SOBP: variants seen among roughly 807,000 people sequenced by gnomAD.
The protein encoded by SOBP is sine oculis binding protein homolog, also known as sine oculis-binding protein homolog.
In SOBP, 4 loss-of-function variants were observed where a neutral mutation model predicts 53.6. That is an observed-to-expected ratio of 0.07 (90% CI 0.04 to 0.17). SOBP has a LOEUF of 0.17. SOBP is among the 10% of genes least tolerant of loss of function. SOBP has a pLI of 1.00. For synonymous variants in SOBP, 584 were observed against 522.6 expected, an observed-to-expected ratio of 1.12 and a Z score of -1.60; for missense variants, 1,088 against 1,204.7, an observed-to-expected ratio of 0.90 and a Z score of 1.43.
At chr6:107,503,937 C>T (rs1460065336) in intron 2 of SOBP, 142 bp downstream of exon 2, 2 of 1,025,176 alleles carry the variant, frequency 2.0e-6, no homozygotes, top group East Asian at 5.0e-5. Context: ...CCCAATAGTG[C>T]TTTCCCATAA....
At chr6:107,520,908 C>G (rs912976049) in intron 3 of SOBP, among the ~76,000 whole-genome samples, 1 of 151,964 alleles carries the variant, frequency 6.6e-6, no homozygotes, top group Non-Finnish European at 1.5e-5. Context: ...AAGAGGTGTC[C>G]CATACACAGA....
chr6:107,640,211 T>C (rs893152752), intron 6 of SOBP, among the ~76,000 whole-genome samples: 5 of 152,216 alleles, frequency 3.3e-5, no homozygotes, highest in African/African-American at 1.2e-4. Flanking sequence ...GAGAGGAGGC[T>C]GTCTGGGAGG....
chr6:107,577,369 C>A (rs1401681302), intron 4 of SOBP, among the ~76,000 whole-genome samples: 1 of 152,222 alleles, frequency 6.6e-6, no homozygotes, highest in South Asian at 2.1e-4. Context: ...GGCTGGCCAA[C>A]TGGCTTTTGG....
At chr6:107,543,549 A>C (rs1784212168) in intron 4 of SOBP, among the ~76,000 whole-genome samples, 1 of 152,168 alleles carries the variant, frequency 6.6e-6, no homozygotes, top group South Asian at 2.1e-4. Flanking sequence ...TCTGAAGCCC[A>C]TGGGCAGCAT....
At chr6:107,610,464 G>C (rs1453212429) in intron 5 of SOBP, among the ~76,000 whole-genome samples, 1 of 152,176 alleles carries the variant, frequency 6.6e-6, no homozygotes, top group Non-Finnish European at 1.5e-5. Flanking sequence ...AGCAGCCCAG[G>C]GATCCACATG....
rs145198007 is a variant in SOBP at position 107,598,313 on chromosome 6, G to C, written c.669+11138G>C. On this transcript the variant is annotated intron_variant, in intron 5 of 6. Transcript: ENST00000317357. ...GTATGTGTGCAATAAGGAAGTAAAG[G>C]CCGTTTAATAGGGAAGAAATGATGG... 1.9e-4 allele frequency among the ~76,000 whole-genome samples: 29 copies of C among 152,326 alleles called. 1 individual carries two copies. The highest frequency in any genetic ancestry group is 6.7e-4 in the African/African-American group (28 of 41,580).
intron 4 of SOBP, among the ~76,000 whole-genome samples, chr6:107,581,396 C>T (rs959211270): frequency 6.6e-6 from 1 of 152,094 alleles, no homozygotes; most frequent in South Asian, 2.1e-4. Context: ...AATTCAGACC[C>T]GAGGAGTTGG....
At chr6:107,513,724 CAA>C (rs57209957) in intron 3 of SOBP, among the ~76,000 whole-genome samples, 63 of 96,296 alleles carry the variant, frequency 6.5e-4, no homozygotes, top group African/African-American at 1.3e-3. Flanking sequence ...ATGCAATTCT[CAA>C]AAAAAAAAAA....
At chr6:107,640,335 G>C (rs892256404) in intron 6 of SOBP, among the ~76,000 whole-genome samples, 2 of 152,236 alleles carry the variant, frequency 1.3e-5, no homozygotes, top group African/African-American at 4.8e-5. Context: ...AATGGGATGT[G>C]CTCGGATCCT....
intron 5 of SOBP, among the ~76,000 whole-genome samples, chr6:107,610,279 C>G (rs1786541800): frequency 6.6e-6 from 1 of 152,196 alleles, no homozygotes; most frequent in South Asian, 2.1e-4. Context: ...CCCAGGGCTG[C>G]AGAACTGGCT....
At chr6:107,603,615 A>G (rs930572880) in intron 5 of SOBP, among the ~76,000 whole-genome samples, 62 of 152,334 alleles carry the variant, frequency 4.1e-4, no homozygotes, top group Middle Eastern at 3.4e-3. Flanking sequence ...AGTACGATGT[A>G]ATGGAAGCCC....
intron 4 of SOBP, among the ~76,000 whole-genome samples, chr6:107,538,135 C>G (rs1189837611): frequency 6.6e-6 from 1 of 152,174 alleles, no homozygotes; most frequent in Admixed American, 6.5e-5. Flanking sequence ...GAACCCATCT[C>G]TAATTAGCAT....
chr6:107,642,084 GAGAA>G (rs745413820), intron 6 of SOBP, among the ~76,000 whole-genome samples: 2 of 152,250 alleles, frequency 1.3e-5, no homozygotes, highest in African/African-American at 4.8e-5. Context: ...AATTCATTCA[GAGAA>G]AGAAAGAAAT....
chr6:107,639,867 G>A (rs1033089178), intron 6 of SOBP, among the ~76,000 whole-genome samples: 2 of 152,220 alleles, frequency 1.3e-5, no homozygotes, highest in Non-Finnish European at 2.9e-5. Context: ...TGTACAAGGA[G>A]TAACCCTTTC....
chr6:107,647,778 A>G (rs184867303), intron 6 of SOBP, among the ~76,000 whole-genome samples: 78 of 152,008 alleles, frequency 5.1e-4, no homozygotes, highest in South Asian at 2.1e-4. Flanking sequence ...CTTCAGTTAC[A>G]TGCCCTGTGC....
chr6:107,552,831 G>C (rs1172276679), intron 4 of SOBP, among the ~76,000 whole-genome samples: 1 of 152,178 alleles, frequency 6.6e-6, no homozygotes, highest in East Asian at 1.9e-4. Flanking sequence ...GCTGAGCAGG[G>C]AGGATCACTT....
At chr6:107,544,944 G>A (rs1784255197) in intron 4 of SOBP, among the ~76,000 whole-genome samples, 1 of 152,184 alleles carries the variant, frequency 6.6e-6, no homozygotes, top group African/African-American at 2.4e-5. Flanking sequence ...TCATTTCGGA[G>A]AGTATGCAGC....
At chr6:107,501,292 C>T (rs1034148285) in intron 1 of SOBP, among the ~76,000 whole-genome samples, 6 of 152,146 alleles carry the variant, frequency 3.9e-5, no homozygotes, top group Non-Finnish European at 1.5e-5. Flanking sequence ...ACTTCTGGAT[C>T]CCATTCCTGG....
intron 1 of SOBP, among the ~76,000 whole-genome samples, chr6:107,496,079 T>C (rs374831393): frequency 6.6e-6 from 1 of 152,220 alleles, no homozygotes; most frequent in Non-Finnish European, 1.5e-5. Context: ...TGAGATTTGC[T>C]GAATGTATAT....
Sources: gnomAD v4.1 joint callset for allele counts (sites outside exome capture counted in the v4.1 genomes callset) on GRCh38, gnomAD v4.1.1 for gene constraint, MANE v1.5 for transcripts, NCBI Gene and HGNC (gene_info 2026-07-23, HGNC 2026-07-21) for gene names.